The following H3C4 variants were observed in gnomAD, a reference collection of about 807,000 sequenced individuals.
The protein encoded by H3C4 is histone H3.1.
A neutral mutation model predicts 8.7 loss-of-function variants in H3C4; 10 were observed. The ratio of observed to expected loss-of-function variants is 1.15; its 90% CI spans 0.71 to 1.96. H3C4 has a LOEUF of 1.96. Among genes scored for constraint, H3C4 ranks in the 30% most tolerant of loss-of-function variants. The pLI, the probability that H3C4 is intolerant of heterozygous loss-of-function variation, is 0.00. For synonymous variants in H3C4, 141 were observed against 80.1 expected, an observed-to-expected ratio of 1.76 and a Z score of -4.06; for missense variants, 216 against 192.9, an observed-to-expected ratio of 1.12 and a Z score of -0.71.
chr6:26,198,999 CG>C (rs772344910), upstream of H3C4: 5 of 1,614,112 alleles, frequency 3.1e-6, no homozygotes, highest in South Asian at 5.5e-5. Context: ...CTGCAGGTGT[CG>C]GGGGATGATG....
Position 26,197,234 on chromosome 6 carries a change from T to C in H3C4, c.17A>G (p.Gln6Arg). The C allele has an allele frequency of 6.2e-7, 1 of 1,613,304 alleles. No homozygotes were observed. Among genetic ancestry groups the C allele is most frequent in the Non-Finnish European group, 8.5e-7 (1 of 1,179,786 alleles). The change falls in exon 1 of 1, where the codon CAG becomes CGG. Residue 6 changes from glutamine to arginine, a missense_variant. Physicochemically the swap from Gln to Arg is conservative, Grantham distance 43 (BLOSUM62 1). Transcript: ENST00000356476. Reference sequence around the variant, plus strand: ...CCCACCCGTGGACTTGCGAGCAGTCTGCTTGGTACGAGCCATTGCGAACTT... The same window carrying C: ...CCCACCCGTGGACTTGCGAGCAGTCCGCTTGGTACGAGCCATTGCGAACTT... MARTK[Q>R]TARKSTGGKA...
chr6:26,199,088 C>G, upstream of H3C4: 1 of 1,614,202 alleles, frequency 6.2e-7, no homozygotes. Flanking sequence ...ACACCGCCGC[C>G]AGATACACTG....
upstream of H3C4, chr6:26,199,277 G>C (rs199569193): frequency 7.6e-6 from 12 of 1,577,828 alleles, no homozygotes; most frequent in Non-Finnish European, 1.0e-5. Flanking sequence ...AAGCAATGAA[G>C]ACAAAAATGT....
upstream of H3C4, among the ~76,000 whole-genome samples, chr6:26,198,171 C>G (rs1312388498): frequency 6.6e-6 from 1 of 152,106 alleles, no homozygotes; most frequent in Non-Finnish European, 1.5e-5. Context: ...CTTTAAGTCA[C>G]TAACTATATT....
Position 26,196,938 on chromosome 6 carries a change from ACAGCCCCAC to A in H3C4, c.304_312del (p.Val102_Leu104del). 1 of 1,614,212 alleles carries A rather than the reference ACAGCCCCAC, an allele frequency of 6.2e-7. No homozygotes were observed. Among genetic ancestry groups the A allele is most frequent in the Non-Finnish European group, 8.5e-7 (1 of 1,180,026 alleles). ...ATGGCGCATAGGTTGGTGTCCTCAA[ACAGCCCCAC>A]CAGGTAGGCCTCGCAGGCCTCCTGC... is the stretch of plus-strand genomic sequence containing the variant. On this transcript the variant is annotated inframe_deletion, in exon 1 of 1. Coordinates refer to ENST00000356476, the MANE Select transcript of H3C4 (RefSeq NM_001376937.1).
Position 26,196,882 on chromosome 6 carries a change from C to G in H3C4, c.369G>C (p.Lys123Asn). The G allele has an allele frequency of 6.2e-7, 1 of 1,614,242 alleles. No individual in the cohort carries two copies. The highest frequency in any genetic ancestry group is 2.2e-5 in the East Asian group (1 of 44,886). ...IHAKRVTIMP[K>N]DIQLARRIRG... ...GAATGCGGCGAGCAAGCTGGATGTC[C>G]TTGGGCATGATAGTCACTCGCTTGG... The change falls in exon 1 of 1, where the codon AAG (lysine) becomes AAC (asparagine). Residue 123 changes from lysine to asparagine, a missense_variant. Lys to Asn is a moderately conservative substitution (Grantham distance 94). Coordinates refer to ENST00000356476, the MANE Select transcript of H3C4 (RefSeq NM_001376937.1).
At chr6:26,199,124 G>C, upstream of H3C4, 1 of 1,614,242 alleles carries the variant, frequency 6.2e-7, no homozygotes, top group South Asian at 1.1e-5. Context: ...CTCGCTCGGA[G>C]TAGTTGCCCT....
upstream of H3C4, chr6:26,199,255 A>T (rs777278829): frequency 3.1e-6 from 5 of 1,591,798 alleles, no homozygotes; most frequent in Non-Finnish European, 4.3e-6. Flanking sequence ...TTGAATTCTT[A>T]AAAACGATGT....
Position 26,197,088 on chromosome 6 carries a change from A to T in H3C4, c.163T>A (p.Tyr55Asn), listed in dbSNP as rs1764987779. The T allele has an allele frequency of 6.2e-7, 1 of 1,614,208 alleles. No individual in the cohort carries two copies. The change falls in exon 1 of 1, where the codon TAC (tyrosine) becomes AAC (asparagine). Residue 55 changes from tyrosine (Y) to asparagine (N), a missense_variant. Physicochemically the swap from Tyr to Asn is moderately radical, Grantham distance 143. Coordinates refer to ENST00000356476, the MANE Select transcript of H3C4 (RefSeq NM_001376937.1). Reference protein sequence around the residue: ...GTVALREIRRYQKSTELLIRK... With the variant: ...GTVALREIRRNQKSTELLIRK... ...ATCAGCAGCTCGGTCGACTTCTGGT[A>T]GCGGCGGATCTCGCGCAGAGCCACC... is the stretch of plus-strand genomic sequence containing the variant.
chr6:26,198,816 T>C (rs1765049624), upstream of H3C4: 12 of 1,599,794 alleles, frequency 7.5e-6, no homozygotes, highest in Non-Finnish European at 1.0e-5. Context: ...TTGTTAAGAC[T>C]GCTTCCTTAA....
chr6:26,199,054 G>A (rs754816455), upstream of H3C4: 11 of 1,614,104 alleles, frequency 6.8e-6, no homozygotes, highest in Non-Finnish European at 9.3e-6. Flanking sequence ...GCCAGCTCCA[G>A]GATCTCGGCG....
chr6:26,199,139 G>A (rs372864503), upstream of H3C4: 4 of 1,614,230 alleles, frequency 2.5e-6, no homozygotes, highest in East Asian at 2.2e-5. Flanking sequence ...TGCCCTTGCG[G>A]AGCAAGCGGT....
chr6:26,197,494 T>C (rs542336614), upstream of H3C4, among the ~76,000 whole-genome samples: 27 of 152,300 alleles, frequency 1.8e-4, no homozygotes, highest in Non-Finnish European at 3.7e-4. Flanking sequence ...GTTTCTAGCT[T>C]TTATTTAAAA....
upstream of H3C4, chr6:26,199,251 T>G: frequency 1.3e-6 from 2 of 1,591,974 alleles, no homozygotes; most frequent in South Asian, 1.2e-5. Flanking sequence ...CATTTTGAAT[T>G]CTTAAAAACG....
upstream of H3C4, among the ~76,000 whole-genome samples, chr6:26,198,266 C>T (rs2143347): frequency 0.17 from 23,444 of 136,462 alleles, 1,908 homozygotes; most frequent in African/African-American, 0.25. Flanking sequence ...CCTAACGAGC[C>T]GCTGCATTGA....
rs1764986412 is a variant in H3C4 at position 26,197,050 on chromosome 6, T to C, written c.201A>G (p.Pro67=). The C allele has an allele frequency of 3.7e-6, 6 of 1,614,120 alleles. No individual in the cohort carries two copies. In the African/African-American group the frequency reaches 4.0e-5, roughly 11 times the overall value. ...KSTELLIRKL[P]FQRLVREIAQ... is the part of the protein sequence containing the mutation. Reference sequence around the variant, plus strand: ...CGATCTCACGGACTAGACGCTGGAATGGCAGTTTGCGAATCAGCAGCTCGG... The same window carrying C: ...CGATCTCACGGACTAGACGCTGGAACGGCAGTTTGCGAATCAGCAGCTCGG... Residue 67 remains proline, a synonymous_variant, in exon 1 of 1, where the codon CCA becomes CCG. Transcript: ENST00000356476.
chr6:26,196,987 C>G lies in H3C4; in HGVS notation c.264G>C (p.Ser88=). Residue 88 remains serine, a synonymous_variant, in exon 1 of 1, where the codon TCG becomes TCC. Coordinates refer to ENST00000356476, the MANE Select transcript of H3C4 (RefSeq NM_001376937.1). ...DFKTDLRFQS[S]AVMALQEACE... is the part of the protein sequence containing the mutation. Reference sequence around the variant, plus strand: ...AGGCCTCCTGCAGCGCCATCACCGCCGAGCTCTGAAAACGCAGATCAGTCT... The same window carrying G: ...AGGCCTCCTGCAGCGCCATCACCGCGGAGCTCTGAAAACGCAGATCAGTCT... 1 of 1,614,224 alleles carries G rather than the reference C, an allele frequency of 6.2e-7. No individual in the cohort carries two copies. Among genetic ancestry groups the G allele is most frequent in the African/African-American group, 1.3e-5 (1 of 75,046 alleles).
upstream of H3C4, among the ~76,000 whole-genome samples, chr6:26,198,340 T>A (rs1765030257): frequency 1.3e-5 from 2 of 151,966 alleles, no homozygotes; most frequent in African/African-American, 2.4e-5. Flanking sequence ...TTTTTGGGTT[T>A]TTGTTTGTTT....
Position 26,196,875 on chromosome 6 carries a change from G to A in H3C4, c.376C>T (p.Gln126Ter), listed in dbSNP as rs993965587. Residue 126 changes from glutamine (Q) to a stop codon, truncating the protein, a stop_gained, in exon 1 of 1, where the codon CAG becomes TAG. Coordinates refer to ENST00000356476, the MANE Select transcript of H3C4 (RefSeq NM_001376937.1). LOFTEE classifies it high-confidence loss of function. The part of the protein sequence containing the change: ...KRVTIMPKDI[Q>*]LARRIRGERA ...TCCCCACGAATGCGGCGAGCAAGCT[G>A]GATGTCCTTGGGCATGATAGTCACT... 1.9e-6 allele frequency: 3 copies of A among 1,614,110 alleles called. No individual in the cohort carries two copies. Among genetic ancestry groups the A allele is most frequent in the Non-Finnish European group, 2.5e-6 (3 of 1,180,046 alleles).
Sources: allele counts gnomAD v4.1 joint callset (sites outside exome capture counted in the v4.1 genomes callset), GRCh38; gene constraint gnomAD v4.1.1; transcripts MANE v1.5; gene names NCBI Gene and HGNC (gene_info 2026-07-23, HGNC 2026-07-21).